The following TRPC1 variants were observed in gnomAD, a reference collection of about 807,000 sequenced individuals.
TRPC1 encodes the protein short transient receptor potential channel 1.
TRPC1 carries 42 observed loss-of-function variants against 88.2 expected under a neutral mutation model. That is an observed-to-expected ratio of 0.48 (90% CI 0.37 to 0.62). TRPC1 has a LOEUF of 0.62. Ranked by LOEUF, TRPC1 falls within the 20% of genes least tolerant of loss-of-function variation. TRPC1 has a pLI of 0.00. For missense variants in TRPC1, 699 were observed against 957.3 expected (o/e 0.73, Z 3.56); for synonymous variants, 288 against 331.8 (o/e 0.87, Z 1.43).
intron 6 of TRPC1, among the ~76,000 whole-genome samples, chr3:142,781,230 C>T (rs56273466): frequency 0.024 from 3,656 of 152,116 alleles, 141 homozygotes; most frequent in African/African-American, 0.083. Context: ...GGGTTTAGCA[C>T]AGTAAGTATT....
In TRPC1 at chr3:142,807,306, T is replaced by C. The variant is rs1936823415; in HGVS notation, c.*1071T>C. The C allele has an allele frequency of 6.6e-6, 1 of 152,238 alleles. No individual in the cohort carries two copies. Among genetic ancestry groups the C allele is most frequent in the African/African-American group, 2.4e-5 (1 of 41,466 alleles). 9.4% of individuals were successfully genotyped at this position (152,238 alleles called of 1,614,324 possible). On this transcript the variant is annotated 3_prime_UTR_variant, in exon 13 of 13. Transcript: ENST00000476941. The stretch of plus-strand genomic sequence containing the variant: ...ATAAAAGTGACTTCATGCTTACTTG[T>C]GGATCATTCTTGCTGCTTAAGATGA...
chr3:142,760,958 AT>A (rs916647290), intron 4 of TRPC1, among the ~76,000 whole-genome samples: 3 of 151,734 alleles, frequency 2.0e-5, no homozygotes, highest in African/African-American at 7.3e-5. Context: ...ACTTTACTGA[AT>A]TTTTTTTACC....
intron 12 of TRPC1, among the ~76,000 whole-genome samples, chr3:142,805,249 C>G (rs1936761108): frequency 6.6e-6 from 1 of 150,990 alleles, no homozygotes; most frequent in African/African-American, 2.4e-5. Context: ...AAAATTTCAT[C>G]TCATAGTTTT....
chr3:142,795,696 CA>C (rs1177885140), intron 9 of TRPC1, among the ~76,000 whole-genome samples: 1 of 151,942 alleles, frequency 6.6e-6, no homozygotes, highest in East Asian at 1.9e-4. Flanking sequence ...CACTGGACAC[CA>C]GCACTACAAG....
Position 142,743,524 on chromosome 3 carries a change from G to T in TRPC1, c.367G>T (p.Val123Leu). 6.6e-7 allele frequency: 1 copy of T among 1,526,646 alleles called. No homozygotes were observed. The highest frequency in any genetic ancestry group is 8.7e-7 in the Non-Finnish European group (1 of 1,142,986). 94.6% of individuals were successfully genotyped at this position (1,526,646 alleles called of 1,614,324 possible). The change falls in exon 3 of 13, where the codon GTG (valine) becomes TTG (leucine). Residue 123 changes from valine to leucine, a missense_variant. By Grantham distance (32) the Val-to-Leu change is conservative. Around this residue, in one of 4 missense-constraint regions of TRPC1, gnomAD observed 426 missense variants for 641.3 expected, o/e 0.66. Coordinates refer to ENST00000476941, the MANE Select transcript of TRPC1 (RefSeq NM_001251845.2). ...ALLVAIDSEV[V>L]GAVDILLNHR... is the part of the protein sequence containing the mutation. ...TTTGGTGGCAATCGACTCTGAAGTA[G>T]TGGGAGCTGTTGATATACTACTTAA...
intron 4 of TRPC1, among the ~76,000 whole-genome samples, chr3:142,765,996 G>C (rs923061086): frequency 3.3e-5 from 5 of 151,796 alleles, no homozygotes; most frequent in Non-Finnish European, 7.4e-5. Context: ...AATCTACAAT[G>C]AGATGCCATC....
chr3:142,806,086 TC>T lies in TRPC1; in HGVS notation c.2235del (p.Met746Ter). On this transcript the variant is annotated frameshift_variant, in exon 13 of 13. Coordinates refer to ENST00000476941, the MANE Select transcript of TRPC1 (RefSeq NM_001251845.2). LOFTEE classifies it high-confidence loss of function. ...CTGCCTAGTGCATCGTTACTTGACTTCCATGAGACAGAAGATGCAAAGTACA... is the reference window on the plus strand; with the variant it reads ...CTGCCTAGTGCATCGTTACTTGACTTCATGAGACAGAAGATGCAAAGTACA... Reference protein sequence around the residue: ...MCCLVHRYLTSMRQKMQSTDQ... With the variant: ...MCCLVHRYLTXMRQKMQSTDQ... 6.2e-7 allele frequency: 1 copy of T among 1,613,938 alleles called. No homozygotes were observed. The highest frequency in any genetic ancestry group is 8.5e-7 in the Non-Finnish European group (1 of 1,179,916).
chr3:142,765,664 TAACTC>T (rs1176851438), intron 4 of TRPC1, among the ~76,000 whole-genome samples: 1 of 152,030 alleles, frequency 6.6e-6, no homozygotes, highest in Non-Finnish European at 1.5e-5. Flanking sequence ...ATAAAAAAAT[TAACTC>T]AAGGTGGATT....
chr3:142,771,045 T>A (rs1484547827), intron 4 of TRPC1, among the ~76,000 whole-genome samples: 2 of 152,084 alleles, frequency 1.3e-5, no homozygotes, highest in Non-Finnish European at 2.9e-5. Context: ...CAGGTTCTTT[T>A]TAAAAATCAG....
intron 4 of TRPC1, among the ~76,000 whole-genome samples, chr3:142,773,439 G>A (rs1159024401): frequency 4.0e-5 from 6 of 151,838 alleles, no homozygotes; most frequent in Admixed American, 2.0e-4. Context: ...GCATGATTGC[G>A]GAAGTAAAGC....
At chr3:142,804,250 CAA>C in intron 11 of TRPC1, 72 bp downstream of exon 11, 1 of 1,389,660 alleles carries the variant, frequency 7.2e-7, no homozygotes, top group Non-Finnish European at 1.0e-6. Flanking sequence ...ATAAGATAGC[CAA>C]AGATTATAAG....
At chr3:142,773,859 C>CT (rs1055824635) in intron 4 of TRPC1, among the ~76,000 whole-genome samples, 9 of 150,540 alleles carry the variant, frequency 6.0e-5, no homozygotes, top group African/African-American at 2.2e-4. Context: ...GCACCTTTTC[C>CT]TTGAACATCT....
intron 2 of TRPC1, among the ~76,000 whole-genome samples, chr3:142,739,986 T>C (rs1934285776): frequency 6.6e-6 from 1 of 152,206 alleles, no homozygotes; most frequent in Admixed American, 6.5e-5. Context: ...TCCTGTCAGG[T>C]CAGCGATGGT....
chr3:142,728,563 C>T (rs1053615131), intron 1 of TRPC1, among the ~76,000 whole-genome samples: 1 of 152,080 alleles, frequency 6.6e-6, no homozygotes, highest in Non-Finnish European at 1.5e-5. Flanking sequence ...TCGAGTGATC[C>T]ACCCGCCTCG....
In TRPC1 at chr3:142,781,001, A is replaced by C. The variant is rs770234886; in HGVS notation, c.932A>C (p.Lys311Thr). Residue 311 changes from lysine to threonine, a missense_variant, in exon 6 of 13, where the codon AAA becomes ACA. Lys to Thr is a moderately conservative substitution (Grantham distance 78). Around this residue, in one of 4 missense-constraint regions of TRPC1, gnomAD observed 426 missense variants for 641.3 expected, o/e 0.66. Transcript: ENST00000476941. ...GAAAGAATGAATTTAAGTCGTCTAAAACTTGCTATCAAATATAACCAGAAA... is the reference window on the plus strand; with the variant it reads ...GAAAGAATGAATTTAAGTCGTCTAACACTTGCTATCAAATATAACCAGAAA... ...LEERMNLSRLKLAIKYNQKEF... is the reference protein window; with the variant it reads ...LEERMNLSRLTLAIKYNQKEF... 2 of 1,612,746 alleles carry C rather than the reference A, an allele frequency of 1.2e-6. No homozygotes were observed. The highest frequency in any genetic ancestry group is 2.2e-5 in the South Asian group (2 of 90,754).
chr3:142,737,403 A>T (rs1319388320), intron 2 of TRPC1, among the ~76,000 whole-genome samples: 1 of 102,512 alleles, frequency 9.8e-6, no homozygotes, highest in Non-Finnish European at 2.4e-5. Flanking sequence ...TGTTTGGAGT[A>T]AAAAAAAAAG....
chr3:142,734,666 G>T (rs1239099460), intron 1 of TRPC1, among the ~76,000 whole-genome samples: 1 of 152,068 alleles, frequency 6.6e-6, no homozygotes. Context: ...GGCCAGATGT[G>T]GTGGCTCATG....
rs559647410 is a variant in TRPC1, at chr3:142,801,906, T to C, written c.1582-263T>C. On this transcript the variant is annotated intron_variant, in intron 9 of 12. Transcript: ENST00000476941. The stretch of plus-strand genomic sequence containing the variant: ...CTCCATATCTCTGCCTCTATCTCCA[T>C]AACAACAATGTCCTCTGAAACCCTG... Among the ~76,000 whole-genome samples the C allele has an allele frequency of 4.6e-5, 7 of 152,308 alleles. No individual in the cohort carries two copies. In the East Asian group the frequency reaches 1.2e-3, roughly 25 times the overall value.
intron 4 of TRPC1, among the ~76,000 whole-genome samples, chr3:142,764,493 ATC>A (rs1935317330): frequency 6.6e-6 from 1 of 152,060 alleles, no homozygotes; most frequent in Non-Finnish European, 1.5e-5. Flanking sequence ...GAAAGACTTT[ATC>A]TCTACTTCTT....
Sources: gnomAD v4.1 joint callset for allele counts (sites outside exome capture counted in the v4.1 genomes callset) on GRCh38, gnomAD v4.1.1 for gene constraint, gnomAD v4.1.1 regional missense constraint, MANE v1.5 for transcripts, NCBI Gene and HGNC (gene_info 2026-07-23, HGNC 2026-07-21) for gene names.